PRR16: variants seen among roughly 807,000 people sequenced by gnomAD.
PRR16 encodes the protein protein Largen.
Under a neutral mutation model 18.2 loss-of-function variants are expected in PRR16, and 6 were observed. The observed-to-expected ratio is 0.33, with a 90% CI of 0.18 to 0.65. The LOEUF (loss-of-function observed/expected upper bound fraction) is 0.65. Ranked by LOEUF, PRR16 falls within the 30% of genes least tolerant of loss-of-function variation. The pLI is 0.74. For synonymous variants in PRR16, 151 were observed against 147.8 expected (o/e 1.02, Z -0.16); for missense variants, 412 against 376.6 (o/e 1.09, Z -0.78).
chr5:120,780,866 A>G, the PRR16 span, among the ~76,000 whole-genome samples: 1 of 152,142 alleles, frequency 6.6e-6, no homozygotes, highest in Non-Finnish European at 1.5e-5. Flanking sequence ...CCTGGCCAAC[A>G]TGGTGAAACC....
intron 1 of PRR16, among the ~76,000 whole-genome samples, chr5:120,655,957 C>T (rs930274174): frequency 1.3e-5 from 2 of 151,692 alleles, no homozygotes; most frequent in Non-Finnish European, 2.9e-5. Context: ...GTCCAGGAAC[C>T]CCAGCCAGTT....
chr5:120,606,611 G>A (rs906359787), intron 1 of PRR16, among the ~76,000 whole-genome samples: 2 of 152,004 alleles, frequency 1.3e-5, no homozygotes, highest in Non-Finnish European at 2.9e-5. Flanking sequence ...TAGGACAAAT[G>A]TGATAAACCA....
At chr5:120,777,320 G>A in the PRR16 span, among the ~76,000 whole-genome samples, 67 of 152,020 alleles carry the variant, frequency 4.4e-4, no homozygotes, top group African/African-American at 1.5e-3. Context: ...GGTTAAATAC[G>A]CTTATTACTT....
chr5:120,531,684 T>G lies in PRR16; in HGVS notation c.159+67039T>G, dbSNP rs181522492. The stretch of plus-strand genomic sequence containing the variant: ...TTTTGACGTTTTGCCATTGTCACTA[T>G]CTAAATGATACTTCACAACTCCCTA... On this transcript the variant is annotated intron_variant, in intron 1 of 1. Coordinates refer to ENST00000407149, the MANE Select transcript of PRR16 (RefSeq NM_001300783.2). 2.6e-3 allele frequency: 403 copies of G among 152,204 alleles called. 1 individual carries two copies. Among genetic ancestry groups the G allele is most frequent in the African/African-American group, 9.2e-3 (381 of 41,530 alleles). 9.4% of individuals were successfully genotyped at this position (152,204 alleles called of 1,614,324 possible).
the PRR16 span, among the ~76,000 whole-genome samples, chr5:120,765,924 C>G: frequency 6.6e-6 from 1 of 151,908 alleles, no homozygotes; most frequent in African/African-American, 2.4e-5. Flanking sequence ...CATGTTGTTG[C>G]GTGTGGATTT....
At chr5:120,587,748 G>A (rs562474910) in intron 1 of PRR16, among the ~76,000 whole-genome samples, 1 of 152,146 alleles carries the variant, frequency 6.6e-6, no homozygotes, top group Non-Finnish European at 1.5e-5. Context: ...TTGTTTTCAT[G>A]CCTGTTATCA....
intron 1 of PRR16, among the ~76,000 whole-genome samples, chr5:120,487,900 T>G (rs542360441): frequency 2.6e-5 from 4 of 152,256 alleles, no homozygotes; most frequent in East Asian, 3.9e-4. Flanking sequence ...CATCTATTGA[T>G]ATAATCATGC....
Position 120,686,464 on chromosome 5 carries a change from TATAAC to T in PRR16, c.675_679del (p.Asn225LysfsTer10), listed in dbSNP as rs1253845030. 2 of 1,613,818 alleles carry T rather than the reference TATAAC, an allele frequency of 1.2e-6. No individual in the cohort carries two copies. The highest frequency in any genetic ancestry group is 2.2e-5 in the East Asian group (1 of 44,884). ...CTATTGTCCTGACTGTGATACCCGG[TATAAC>T]ATAAAAAACAGGGAGGTCCACTTAC... On this transcript the variant is annotated frameshift_variant, in exon 2 of 2. Transcript: ENST00000407149. LOFTEE classifies it high-confidence loss of function.
At chr5:120,716,145 C>T in the PRR16 span, among the ~76,000 whole-genome samples, 1 of 152,148 alleles carries the variant, frequency 6.6e-6, no homozygotes, top group Non-Finnish European at 1.5e-5. Flanking sequence ...TTTTCTCCCA[C>T]ATCTTTGCTA....
chr5:120,728,160 T>A, the PRR16 span, among the ~76,000 whole-genome samples: 1 of 152,022 alleles, frequency 6.6e-6, no homozygotes. Context: ...ATTAATTTTT[T>A]AAGTAGTATT....
intron 1 of PRR16, among the ~76,000 whole-genome samples, chr5:120,499,980 T>G (rs2112841353): frequency 6.6e-6 from 1 of 152,314 alleles, no homozygotes; most frequent in South Asian, 2.1e-4. Context: ...GTGAAGCTAC[T>G]TTTTACTGTT....
At chr5:120,740,684 C>T in the PRR16 span, among the ~76,000 whole-genome samples, 1 of 152,096 alleles carries the variant, frequency 6.6e-6, no homozygotes, top group African/African-American at 2.4e-5. Context: ...TAAACCTTCT[C>T]ATTTCTATAT....
intron 1 of PRR16, among the ~76,000 whole-genome samples, chr5:120,587,410 C>G (rs1311828521): frequency 6.6e-6 from 1 of 152,150 alleles, no homozygotes; most frequent in Middle Eastern, 3.2e-3. Flanking sequence ...AAGTCAGTGC[C>G]TGGATTCAGA....
chr5:120,765,935 T>C, the PRR16 span, among the ~76,000 whole-genome samples: 1 of 152,078 alleles, frequency 6.6e-6, no homozygotes, highest in Non-Finnish European at 1.5e-5. Flanking sequence ...GTGTGGATTT[T>C]GATGGTTATT....
intron 1 of PRR16, among the ~76,000 whole-genome samples, chr5:120,544,876 A>C (rs1208490281): frequency 6.6e-6 from 1 of 152,122 alleles, no homozygotes; most frequent in East Asian, 1.9e-4. Context: ...TTTAGATGGC[A>C]GTATTCTTGG....
chr5:120,676,522 A>ATATG (rs1229784853), intron 1 of PRR16, among the ~76,000 whole-genome samples: 8 of 125,982 alleles, frequency 6.4e-5, no homozygotes, highest in African/African-American at 2.3e-4. Context: ...ATATATATAT[A>ATATG]TGTGTGTGTG....
At chr5:120,694,346 T>C in the PRR16 span, among the ~76,000 whole-genome samples, 1 of 152,192 alleles carries the variant, frequency 6.6e-6, no homozygotes, top group Non-Finnish European at 1.5e-5. Flanking sequence ...AAGTCTCATT[T>C]TTGATGGATT....
intron 1 of PRR16, among the ~76,000 whole-genome samples, chr5:120,537,523 T>C (rs300972): frequency 0.96 from 145,864 of 151,876 alleles, 70,329 homozygotes; most frequent in East Asian, 1. Flanking sequence ...ATTTTATTCA[T>C]TGTACTAGTG....
At chr5:120,494,153 A>G (rs1456751415) in intron 1 of PRR16, among the ~76,000 whole-genome samples, 1 of 152,124 alleles carries the variant, frequency 6.6e-6, no homozygotes, top group Non-Finnish European at 1.5e-5. Context: ...TCCTACCGTC[A>G]ATGTATAAGT....
Sources: allele counts gnomAD v4.1 joint callset (sites outside exome capture counted in the v4.1 genomes callset), GRCh38; gene constraint gnomAD v4.1.1; transcripts MANE v1.5; gene names NCBI Gene and HGNC (gene_info 2026-07-23, HGNC 2026-07-21).